ESR1: variants seen among roughly 807,000 people sequenced by gnomAD.
ESR1 encodes estrogen receptor 1.
ESR1 carries 12 observed loss-of-function variants against 52.7 expected under a neutral mutation model. That is an observed-to-expected ratio of 0.23 (90% CI 0.15 to 0.37). ESR1 has a LOEUF of 0.37. Ranked by LOEUF, ESR1 falls within the 10% of genes least tolerant of loss-of-function variation. The probability of loss-of-function intolerance (pLI) is 1.00; values close to 1 mark genes in which losing one functional copy is unlikely to be tolerated. For synonymous variants in ESR1, 305 were observed against 316.8 expected (o/e 0.96, Z 0.39); for missense variants, 584 against 779.7 (o/e 0.75, Z 2.99).
Position 151,669,191 on chromosome 6 carries a change from G to GAGA in ESR1, n.73+12428_73+12429insAGA, listed in dbSNP as rs1562319599. Among the ~76,000 whole-genome samples the GAGA allele has an allele frequency of 3.3e-3, 126 of 37,712 alleles. 12 individuals carry two copies. The highest frequency in any genetic ancestry group is 0.013 in the Middle Eastern group (1 of 80). The allele number at this position is 37,712 out of a possible 152,430, so 24.7% of individuals were successfully genotyped here. A position where few individuals can be genotyped will look rare whatever the true frequency, so the allele number is the denominator to read the frequency against. ...GAGAGAGAGAGAGAGAGAGAGAGAT[G>GAGA]GGAATCCAGGGGAGAACAGAACAAG... On this transcript the variant is annotated intron_variant and non_coding_transcript_variant, in intron 1 of 2. Coordinates refer to the ESR1 transcript ENST00000473497.
At chr6:151,920,010 G>A (rs753435713) in intron 3 of ESR1, among the ~76,000 whole-genome samples, 2 of 152,142 alleles carry the variant, frequency 1.3e-5, no homozygotes, top group Non-Finnish European at 1.5e-5. Context: ...CCATGAAGGT[G>A]GAGATAAAGG....
chr6:151,726,058 A>C (rs935012403), intron 2 of ESR1, among the ~76,000 whole-genome samples: 6 of 152,186 alleles, frequency 3.9e-5, no homozygotes, highest in African/African-American at 1.2e-4. Flanking sequence ...TATGCAGGGC[A>C]CGGAAATCAG....
At chr6:151,889,114 G>A (rs1020676191) in intron 3 of ESR1, among the ~76,000 whole-genome samples, 1 of 152,126 alleles carries the variant, frequency 6.6e-6, no homozygotes, top group Non-Finnish European at 1.5e-5. Flanking sequence ...CAGGGATATT[G>A]GCATGACATT....
intron 2 of ESR1, among the ~76,000 whole-genome samples, chr6:151,735,965 C>T (rs530174002): frequency 6.6e-4 from 101 of 152,268 alleles, no homozygotes; most frequent in African/African-American, 2.2e-3. Flanking sequence ...TCTCACCTGC[C>T]GCCATGTAAG....
At chr6:151,709,694 T>C (rs1780445824) in intron 2 of ESR1, among the ~76,000 whole-genome samples, 1 of 152,120 alleles carries the variant, frequency 6.6e-6, no homozygotes, top group Non-Finnish European at 1.5e-5. Flanking sequence ...GGTTTTAATT[T>C]CCATTTTCTG....
At chr6:152,104,953 C>T (rs1424882346), downstream of ESR1, among the ~76,000 whole-genome samples, 1 of 152,056 alleles carries the variant, frequency 6.6e-6, no homozygotes, top group East Asian at 1.9e-4. Context: ...TGTAATTAAT[C>T]ATGTCTATGT....
chr6:151,823,450 TTTTTTG>T (rs1021508039), intron 1 of ESR1, among the ~76,000 whole-genome samples: 62 of 152,204 alleles, frequency 4.1e-4, no homozygotes, highest in Admixed American at 2.1e-3. Context: ...CTATTATTTG[TTTTTTG>T]TTTTTGTTTT....
intron 2 of ESR1, among the ~76,000 whole-genome samples, chr6:151,784,811 C>G (rs1786867845): frequency 6.6e-6 from 1 of 152,184 alleles, no homozygotes; most frequent in Non-Finnish European, 1.5e-5. Flanking sequence ...CAACTTGTGC[C>G]TTTTATTCAT....
At chr6:151,928,957 G>C (rs930612388) in intron 3 of ESR1, among the ~76,000 whole-genome samples, 16 of 152,104 alleles carry the variant, frequency 1.1e-4, no homozygotes, top group African/African-American at 3.9e-4. Context: ...ATTTGTTAAG[G>C]GTGTTTTGTG....
intron 5 of ESR1, among the ~76,000 whole-genome samples, chr6:152,012,728 T>C (rs9322349): frequency 0.022 from 3,278 of 152,292 alleles, 109 homozygotes; most frequent in East Asian, 0.13. Context: ...GTTTTCCAGG[T>C]AAATCTTGTC....
intron 2 of ESR1, among the ~76,000 whole-genome samples, chr6:151,794,983 G>T (rs1776550369): frequency 6.6e-6 from 1 of 152,018 alleles, no homozygotes; most frequent in Non-Finnish European, 1.5e-5. Context: ...TTCATTATTA[G>T]CTTGTGCTTC....
intron 6 of ESR1, among the ~76,000 whole-genome samples, chr6:152,109,535 A>C (rs1939469366): frequency 6.6e-6 from 1 of 151,890 alleles, no homozygotes; most frequent in Non-Finnish European, 1.5e-5. Context: ...GAAAATACAA[A>C]ATTACCTGGG....
chr6:152,078,919 G>C (rs2048968368), intron 6 of ESR1, among the ~76,000 whole-genome samples: 1 of 152,226 alleles, frequency 6.6e-6, no homozygotes, highest in African/African-American at 2.4e-5. Context: ...CTTGATGCGG[G>C]GAGGGGCGTC....
chr6:151,744,893 G>A (rs1490434404), intron 2 of ESR1, among the ~76,000 whole-genome samples: 1 of 152,144 alleles, frequency 6.6e-6, no homozygotes, highest in African/African-American at 2.4e-5. Flanking sequence ...TGTATATGGT[G>A]TGAGGTAGAG....
chr6:151,949,602 T>C (rs1216218083), intron 4 of ESR1, among the ~76,000 whole-genome samples: 3 of 152,256 alleles, frequency 2.0e-5, no homozygotes, highest in African/African-American at 2.4e-5. Flanking sequence ...AGCCTTAGGA[T>C]TGGGCTGGAA....
At position 152,057,740 on chromosome 6, in the gene ESR1, A is replaced by G. The variant is rs962133136; in HGVS notation, c.1236-3251A>G. Among the ~76,000 whole-genome samples, 39 of 151,362 alleles carry G rather than the reference A, an allele frequency of 2.6e-4. 1 individual carries two copies. Among genetic ancestry groups the G allele is most frequent in the Admixed American group, 2.0e-3 (31 of 15,218 alleles). On this transcript the variant is annotated intron_variant, in intron 5 of 7. Coordinates refer to ENST00000206249, the MANE Select transcript of ESR1 (RefSeq NM_000125.4). ...ACACACACACACACGTGAGAACTGA[A>G]TTGAGAGTTTGGGGTATACACCATC...
chr6:152,003,383 T>C (rs1211694741), intron 4 of ESR1, among the ~76,000 whole-genome samples: 1 of 150,622 alleles, frequency 6.6e-6, no homozygotes, highest in East Asian at 2.0e-4. Context: ...AAAACAAATA[T>C]ACATATTTTA....
intron 4 of ESR1, among the ~76,000 whole-genome samples, chr6:151,973,305 T>C (rs2039098917): frequency 6.6e-6 from 1 of 151,156 alleles, no homozygotes; most frequent in Non-Finnish European, 1.5e-5. Flanking sequence ...ACCTAGGTAG[T>C]AGAAGATAGT....
At chr6:151,968,130 A>C (rs759341653) in intron 4 of ESR1, among the ~76,000 whole-genome samples, 2 of 152,140 alleles carry the variant, frequency 1.3e-5, no homozygotes, top group African/African-American at 2.4e-5. Context: ...ACCTACAACC[A>C]TCTGATCTTT....
Sources: gnomAD v4.1 joint callset for allele counts (sites outside exome capture counted in the v4.1 genomes callset) on GRCh38, gnomAD v4.1.1 for gene constraint, MANE v1.5 for transcripts, NCBI Gene and HGNC (gene_info 2026-07-23, HGNC 2026-07-21) for gene names.